EYS: variants seen among roughly 807,000 people sequenced by gnomAD.
EYS encodes the protein protein eyes shut homolog.
EYS carries 250 observed loss-of-function variants against 282.1 expected under a neutral mutation model. The ratio of observed to expected loss-of-function variants is 0.89; its 90% CI spans 0.80 to 0.98. EYS has a LOEUF of 0.98. Among genes scored for constraint, EYS ranks in the 50% least tolerant of loss-of-function variants. The pLI, the probability that EYS is intolerant of heterozygous loss-of-function variation, is 0.00. For missense variants in EYS, 4,016 were observed against 3,709.0 expected (o/e 1.08, Z -2.15); for synonymous variants, 1,355 against 1,282.9 (o/e 1.06, Z -1.20).
At chr6:63,988,008 T>C (rs1192204458) in intron 34 of EYS, among the ~76,000 whole-genome samples, 3 of 151,508 alleles carry the variant, frequency 2.0e-5, no homozygotes. Context: ...GTGTCTTTAA[T>C]TTTTTTTCCT....
At chr6:65,109,871 G>A (rs1413018968) in intron 12 of EYS, among the ~76,000 whole-genome samples, 5 of 151,946 alleles carry the variant, frequency 3.3e-5, no homozygotes, top group African/African-American at 1.2e-4. Context: ...TATTATATAC[G>A]TGTTTTATAA....
intron 12 of EYS, among the ~76,000 whole-genome samples, chr6:65,240,596 T>C (rs1462559502): frequency 6.6e-6 from 1 of 152,196 alleles, no homozygotes; most frequent in Non-Finnish European, 1.5e-5. Context: ...TACATCCATG[T>C]CACTGCAAAG....
rs12176596 is a variant in EYS, at chr6:64,672,791, G to A, written c.3444-46546C>T. Among the ~76,000 whole-genome samples the A allele has an allele frequency of 9.9e-3, 1,503 of 152,142 alleles. 30 individuals carry two copies. The highest frequency in any genetic ancestry group is 0.059 in the East Asian group (306 of 5,164). On this transcript the variant is annotated intron_variant, in intron 22 of 42. Coordinates refer to ENST00000503581, the MANE Select transcript of EYS (RefSeq NM_001142800.2). ...TCTTCCTGACAACCAGAAAAAAACA[G>A]TAATTTAACTTTTCTGGTTAAACTT...
At chr6:63,876,742 G>A (rs539119272) in intron 35 of EYS, among the ~76,000 whole-genome samples, 88 of 152,140 alleles carry the variant, frequency 5.8e-4, no homozygotes, top group Non-Finnish European at 9.6e-4. Flanking sequence ...TGTCTCTTTT[G>A]ATCTTTGTTG....
intron 1 of EYS, among the ~76,000 whole-genome samples, chr6:65,641,417 G>A (rs977326393): frequency 1.3e-5 from 2 of 152,202 alleles, no homozygotes; most frequent in Non-Finnish European, 2.9e-5. Flanking sequence ...CTGCAAGTCA[G>A]CCATGCCTGG....
Position 65,671,468 on chromosome 6 carries a change from T to C in EYS, c.-447-31576A>G, listed in dbSNP as rs552755629. The stretch of plus-strand genomic sequence containing the variant: ...ATAAACTTTGAACAAAAAAAACTAA[T>C]ATAAAATACTGTTATATTTCACATA... On this transcript the variant is annotated intron_variant, in intron 1 of 42. Transcript: ENST00000503581. 6.6e-5 allele frequency among the ~76,000 whole-genome samples: 10 copies of C among 152,176 alleles called. No individual in the cohort carries two copies. The East Asian group carries it at 1.2e-3, about 18-fold the overall frequency.
intron 31 of EYS, among the ~76,000 whole-genome samples, chr6:64,123,495 A>G (rs1358216631): frequency 5.9e-5 from 9 of 152,234 alleles, no homozygotes; most frequent in Non-Finnish European, 2.9e-5. Flanking sequence ...CTATTTGTGC[A>G]TAAGAAAGAC....
At position 64,593,228 on chromosome 6, in the gene EYS, T is replaced by A. The variant is rs767462419; in HGVS notation, c.3766A>T (p.Ile1256Phe). ...LTPIFQRTDPISTQTYTIPPS... is the reference protein window; with the variant it reads ...LTPIFQRTDPFSTQTYTIPPS... ...GGAATTGTATATGTCTGTGTGGAAA[T>A]GGGATCTGTTCTTTGAAAGATGGGA... is the stretch of plus-strand genomic sequence containing the variant. The change falls in exon 25 of 43, where the codon ATT becomes TTT. Residue 1256 changes from isoleucine (I) to phenylalanine (F), a missense_variant. Coordinates refer to ENST00000503581, the MANE Select transcript of EYS (RefSeq NM_001142800.2). 1 of 1,550,624 alleles carries A rather than the reference T, an allele frequency of 6.4e-7. No homozygotes were observed. The highest frequency in any genetic ancestry group is 1.4e-5 in the African/African-American group (1 of 72,968).
chr6:64,450,616 C>T (rs949932169), intron 26 of EYS, among the ~76,000 whole-genome samples: 33 of 152,062 alleles, frequency 2.2e-4, no homozygotes, highest in African/African-American at 7.5e-4. Context: ...AGTAAAGCAC[C>T]CCTCAGCAAA....
intron 12 of EYS, among the ~76,000 whole-genome samples, chr6:65,279,204 T>A (rs916776027): frequency 2.6e-4 from 40 of 151,434 alleles, no homozygotes; most frequent in South Asian, 1.3e-3. Context: ...AAAAAAATAA[T>A]AATAACAAAT....
intron 28 of EYS, among the ~76,000 whole-genome samples, chr6:64,392,584 A>G (rs1418506885): frequency 6.6e-6 from 1 of 151,850 alleles, no homozygotes; most frequent in African/African-American, 2.4e-5. Context: ...ACCAATGAGA[A>G]CAAAGACACA....
In EYS at chr6:65,273,105, G is replaced by A. The variant is rs535765780; in HGVS notation, c.2023+22758C>T. 5.9e-5 allele frequency among the ~76,000 whole-genome samples: 9 copies of A among 152,190 alleles called. No individual in the cohort carries two copies. In the East Asian group the frequency reaches 1.7e-3, roughly 29 times the overall value. On this transcript the variant is annotated intron_variant, in intron 12 of 42. Transcript: ENST00000503581. Reference sequence around the variant, plus strand: ...AAAAGATTCATGTCATAAGAGGGAGGGAGAAAGATGATGTGAGATTTCATC... The same window carrying A: ...AAAAGATTCATGTCATAAGAGGGAGAGAGAAAGATGATGTGAGATTTCATC...
chr6:64,742,561 A>G (rs1583103868), intron 22 of EYS, among the ~76,000 whole-genome samples: 2 of 152,212 alleles, frequency 1.3e-5, no homozygotes, highest in South Asian at 4.1e-4. Context: ...AGTAGAATTT[A>G]TGTTAAATGT....
intron 29 of EYS, among the ~76,000 whole-genome samples, chr6:64,310,149 T>G (rs1302596196): frequency 6.6e-6 from 1 of 151,732 alleles, no homozygotes; most frequent in East Asian, 1.9e-4. Flanking sequence ...TGTAAATTAG[T>G]CCAGCCATCG....
chr6:65,357,196 T>C (rs1764518834), intron 8 of EYS, among the ~76,000 whole-genome samples: 1 of 152,002 alleles, frequency 6.6e-6, no homozygotes, highest in Admixed American at 6.6e-5. Context: ...GTGTACAAGT[T>C]CTTTTTGTAT....
intron 11 of EYS, chr6:65,330,847 T>C (rs554868129): frequency 3.2e-6 from 3 of 935,780 alleles, no homozygotes; most frequent in African/African-American, 3.6e-5. Context: ...AGTCTACTTC[T>C]ATATAAGGTA....
intron 28 of EYS, among the ~76,000 whole-genome samples, chr6:64,397,992 C>T (rs2150434145): frequency 6.7e-6 from 1 of 149,538 alleles, no homozygotes; most frequent in Middle Eastern, 3.4e-3. Context: ...ATTGCATTGT[C>T]AAATTCACAA....
chr6:65,497,075 T>C (rs1582379345), intron 2 of EYS, among the ~76,000 whole-genome samples: 3 of 152,068 alleles, frequency 2.0e-5, no homozygotes, highest in African/African-American at 7.2e-5. Context: ...CATAATCATG[T>C]CAATTTCAAA....
chr6:65,459,942 CGTGTGT>C (rs371551367), intron 5 of EYS, among the ~76,000 whole-genome samples: 1 of 106,880 alleles, frequency 9.4e-6, no homozygotes, highest in Non-Finnish European at 2.0e-5. Flanking sequence ...TTTTCTGGTG[CGTGTGT>C]GTGTGTGTGT....
Sources: gnomAD v4.1 joint callset for allele counts (sites outside exome capture counted in the v4.1 genomes callset) on GRCh38, gnomAD v4.1.1 for gene constraint, MANE v1.5 for transcripts, NCBI Gene and HGNC (gene_info 2026-07-23, HGNC 2026-07-21) for gene names.